Variants in GABRA3 observed in about 807,000 individuals in gnomAD.
GABRA3 encodes the protein gamma-aminobutyric acid type A receptor subunit alpha3.
A neutral mutation model predicts 30.1 loss-of-function variants in GABRA3; 10 were observed. That is an observed-to-expected ratio of 0.33 (90% CI 0.20 to 0.56). The LOEUF is 0.56. Among genes scored for constraint, GABRA3 ranks in the 20% least tolerant of loss-of-function variants. GABRA3 has a pLI of 0.89. For missense variants in GABRA3, 233 were observed against 392.0 expected, an observed-to-expected ratio of 0.59 and a Z score of 3.42; for synonymous variants, 151 against 146.8, an observed-to-expected ratio of 1.03 and a Z score of -0.21.
intron 5 of GABRA3, among the ~76,000 whole-genome samples, chrX:152,238,836 G>A (rs1348551957): frequency 9.1e-6 from 1 of 109,367 alleles, no homozygotes; most frequent in Non-Finnish European, 1.9e-5. Flanking sequence ...GATCAGTGGT[G>A]ATATCCCCTT....
chrX:152,242,806 G>C (rs148319835), intron 5 of GABRA3, among the ~76,000 whole-genome samples: 2,700 of 111,954 alleles, frequency 0.024, 44 homozygotes, highest in Middle Eastern at 0.069. Flanking sequence ...CAGTATGGAG[G>C]TTCCTCAAAA....
intron 1 of GABRA3, among the ~76,000 whole-genome samples, chrX:152,394,668 G>A (rs1390807121): frequency 1.8e-5 from 2 of 112,522 alleles, no homozygotes; most frequent in Non-Finnish European, 1.9e-5. Flanking sequence ...CACAAGTGTG[G>A]TGTTTAAGTT....
chrX:152,451,217 CAG>C lies in GABRA3; in HGVS notation c.-100_-99del, dbSNP rs1235846617. 8.9e-6 allele frequency: 1 copy of C among 111,893 alleles called. No homozygotes were observed. The highest frequency in any genetic ancestry group is 1.9e-5 in the Non-Finnish European group (1 of 53,235). The allele number at this position is 111,893 out of a possible 1,213,427, so 9.2% of individuals were successfully genotyped here. A position where few individuals can be genotyped will look rare whatever the true frequency, so the allele number is the denominator to read the frequency against. ...AAACAAGTTGGAGGTTGAGCCCTGA[CAG>C]AGCTCGGCTTCTGGCTTCTTCTTCT... On this transcript the variant is annotated 5_prime_UTR_variant, in exon 1 of 10. Coordinates refer to ENST00000370314, the MANE Select transcript of GABRA3 (RefSeq NM_000808.4).
intron 3 of GABRA3, among the ~76,000 whole-genome samples, chrX:152,332,565 C>T (rs1233876739): frequency 8.9e-6 from 1 of 112,200 alleles, no homozygotes; most frequent in Admixed American, 9.5e-5. Context: ...ATCCTCAGAA[C>T]AACTTGGCAA....
At chrX:152,446,116 C>A (rs777321745) in intron 1 of GABRA3, among the ~76,000 whole-genome samples, 1 of 112,065 alleles carries the variant, frequency 8.9e-6, no homozygotes, top group Non-Finnish European at 1.9e-5. Flanking sequence ...TTGCAAAATG[C>A]GTATGCATCA....
intron 5 of GABRA3, among the ~76,000 whole-genome samples, chrX:152,242,060 G>A (rs1938389173): frequency 9.0e-6 from 1 of 111,527 alleles, no homozygotes; most frequent in Non-Finnish European, 1.9e-5. Context: ...AAAACAGCAT[G>A]GTACTAACAA....
rs750707432 is a variant in GABRA3 at position 152,446,781 on chromosome X, G to T, written c.-27+4365C>A. ...TCCCTCACCCTGTCAAGATGGGTTT[G>T]CTCATCCACAAAATGAGGGAGTTGC... is the stretch of plus-strand genomic sequence containing the variant. On this transcript the variant is annotated intron_variant, in intron 1 of 9. Transcript: ENST00000370314. Among the ~76,000 whole-genome samples, 479 of 111,623 alleles carry T rather than the reference G, an allele frequency of 4.3e-3. 3 individuals carry two copies. Among genetic ancestry groups the T allele is most frequent in the Middle Eastern group, 9.2e-3 (2 of 217 alleles).
At chrX:152,310,339 T>C (rs1439368135) in intron 3 of GABRA3, among the ~76,000 whole-genome samples, 1 of 112,466 alleles carries the variant, frequency 8.9e-6, no homozygotes, top group Middle Eastern at 4.2e-3. Context: ...ATTTTTCTCA[T>C]ATAAACATGG....
rs1940380009 is a variant in GABRA3, at chrX:152,345,606, G to A, written c.237C>T (p.Asp79=). 1.7e-6 allele frequency: 2 copies of A among 1,209,166 alleles called. No individual in the cohort carries two copies. Among genetic ancestry groups the A allele is most frequent in the Non-Finnish European group, 1.1e-6 (1 of 894,350 alleles). Residue 79 remains aspartate (D), a synonymous_variant, in exon 3 of 10, where the codon GAC becomes GAT. Coordinates refer to ENST00000370314, the MANE Select transcript of GABRA3 (RefSeq NM_000808.4). ...RILDRLLDGY[D]NRLRPGLGDA... is the part of the protein sequence containing the mutation. Reference sequence around the variant, plus strand: ...CTCCAAGCCCAGGTCGCAGCCGGTTGTCATAGCCGTCCAGAAGACGATCCA... The same window carrying A: ...CTCCAAGCCCAGGTCGCAGCCGGTTATCATAGCCGTCCAGAAGACGATCCA...
intron 1 of GABRA3, among the ~76,000 whole-genome samples, chrX:152,369,416 A>G (rs1158044719): frequency 9.0e-6 from 1 of 110,943 alleles, no homozygotes; most frequent in East Asian, 2.8e-4. Flanking sequence ...CCTGATCTCC[A>G]AATAGCTGGC....
intron 4 of GABRA3, among the ~76,000 whole-genome samples, chrX:152,282,442 C>A (rs772470859): frequency 8.1e-5 from 9 of 111,608 alleles, no homozygotes; most frequent in Non-Finnish European, 1.5e-4. Flanking sequence ...TCTCAAAACA[C>A]CCGAAATATG....
chrX:152,207,067 T>C (rs1937555756), intron 7 of GABRA3, among the ~76,000 whole-genome samples: 1 of 111,990 alleles, frequency 8.9e-6, no homozygotes. Context: ...TGTTTGTCCT[T>C]CAATTCCATT....
intron 3 of GABRA3, among the ~76,000 whole-genome samples, chrX:152,300,102 G>C (rs963047369): frequency 5.4e-5 from 6 of 111,519 alleles, no homozygotes; most frequent in African/African-American, 2.0e-4. Context: ...CCAAACCCAA[G>C]GTAGCATAGA....
At chrX:152,190,975 C>T (rs1284512618) in intron 8 of GABRA3, among the ~76,000 whole-genome samples, 4 of 108,497 alleles carry the variant, frequency 3.7e-5, no homozygotes, top group Non-Finnish European at 7.6e-5. Flanking sequence ...AGTAATATGA[C>T]CTTGAATAAG....
intron 1 of GABRA3, among the ~76,000 whole-genome samples, chrX:152,426,286 T>G (rs1288901255): frequency 9.0e-6 from 1 of 111,540 alleles, no homozygotes; most frequent in Non-Finnish European, 1.9e-5. Context: ...CCTCACTGGG[T>G]GGGTAGGATT....
intron 1 of GABRA3, among the ~76,000 whole-genome samples, chrX:152,386,813 C>T (rs1487903599): frequency 8.2e-5 from 9 of 110,214 alleles, no homozygotes; most frequent in African/African-American, 2.0e-4. Context: ...ACCCAAAGGA[C>T]TATAAATCAT....
chrX:152,357,514 G>A (rs562426715), intron 2 of GABRA3, among the ~76,000 whole-genome samples: 8 of 111,342 alleles, frequency 7.2e-5, no homozygotes, highest in East Asian at 2.8e-4. Context: ...CCTTATAGAT[G>A]CTGGATATTA....
At chrX:152,432,178 G>A (rs1930664196) in intron 1 of GABRA3, among the ~76,000 whole-genome samples, 1 of 111,682 alleles carries the variant, frequency 9.0e-6, no homozygotes. Context: ...CAAAGAATCT[G>A]AACACTTATC....
At chrX:152,183,072 C>T (rs1937206534) in intron 9 of GABRA3, among the ~76,000 whole-genome samples, 4 of 107,949 alleles carry the variant, frequency 3.7e-5, no homozygotes, top group East Asian at 2.9e-4. Flanking sequence ...TAATGCTGGC[C>T]ATATAAAATG....
Sources: allele counts gnomAD v4.1 joint callset (sites outside exome capture counted in the v4.1 genomes callset), GRCh38; gene constraint gnomAD v4.1.1; transcripts MANE v1.5; gene names NCBI Gene and HGNC (gene_info 2026-07-23, HGNC 2026-07-21).